The following TRIM5 variants were observed in gnomAD, a reference collection of about 807,000 sequenced individuals.
TRIM5 encodes the protein tripartite motif-containing protein 5.
A neutral mutation model predicts 35.6 loss-of-function variants in TRIM5; 31 were observed. That is an observed-to-expected ratio of 0.87 (90% CI 0.65 to 1.18). The LOEUF (loss-of-function observed/expected upper bound fraction) is 1.18. TRIM5 is among the 50% of genes most tolerant of loss of function. The pLI is 0.00. For missense variants in TRIM5, 609 were observed against 591.6 expected, an observed-to-expected ratio of 1.03 and a Z score of -0.31; for synonymous variants, 243 against 215.6, an observed-to-expected ratio of 1.13 and a Z score of -1.11.
intron 4 of TRIM5, among the ~76,000 whole-genome samples, chr11:5,668,466 T>A (rs1174363093): frequency 6.6e-6 from 1 of 152,140 alleles, no homozygotes; most frequent in Non-Finnish European, 1.5e-5. Flanking sequence ...TTCTTTCTTT[T>A]TTTTTAAGAA....
the TRIM5 span, among the ~76,000 whole-genome samples, chr11:5,652,778 T>C: frequency 2.6e-5 from 4 of 152,192 alleles, no homozygotes; most frequent in Non-Finnish European, 5.9e-5. Flanking sequence ...TTTACCAATA[T>C]TGATTCTTCC....
At chr11:5,609,696 G>A in the TRIM5 span, among the ~76,000 whole-genome samples, 1 of 152,158 alleles carries the variant, frequency 6.6e-6, no homozygotes, top group Non-Finnish European at 1.5e-5. Flanking sequence ...GCTGAGGAGG[G>A]CAGATCACGA....
the TRIM5 span, among the ~76,000 whole-genome samples, chr11:5,648,837 A>G: frequency 3.3e-5 from 5 of 152,232 alleles, no homozygotes; most frequent in Admixed American, 6.5e-5. Context: ...ACGTTAAATA[A>G]TTAGTGTTTC....
the TRIM5 span, among the ~76,000 whole-genome samples, chr11:5,626,299 A>G: frequency 6.6e-6 from 1 of 152,228 alleles, no homozygotes; most frequent in African/African-American, 2.4e-5. Context: ...ATAGAAAGTG[A>G]TCATAGACCA....
chr11:5,669,552 C>A (rs1484715473), intron 4 of TRIM5, among the ~76,000 whole-genome samples: 1 of 152,204 alleles, frequency 6.6e-6, no homozygotes, highest in Non-Finnish European at 1.5e-5. Context: ...TCTACACATA[C>A]AATCAAATAG....
chr11:5,627,031 A>G, the TRIM5 span, among the ~76,000 whole-genome samples: 3 of 152,122 alleles, frequency 2.0e-5, no homozygotes, highest in Non-Finnish European at 2.9e-5. Context: ...CATCTGCTTT[A>G]AGGTGATCAC....
the TRIM5 span, chr11:5,642,476 G>T: frequency 1.9e-6 from 3 of 1,614,008 alleles, no homozygotes; most frequent in Non-Finnish European, 2.5e-6. Context: ...CCATGCTCCA[G>T]ATCTGAGTAG....
chr11:5,626,429 GT>G, the TRIM5 span, among the ~76,000 whole-genome samples: 1 of 152,140 alleles, frequency 6.6e-6, no homozygotes. Flanking sequence ...ACTTTAAATA[GT>G]TTTTATGAAA....
the TRIM5 span, among the ~76,000 whole-genome samples, chr11:5,614,545 G>A: frequency 6.6e-6 from 1 of 152,188 alleles, no homozygotes; most frequent in Non-Finnish European, 1.5e-5. Flanking sequence ...GATTTTGGTG[G>A]AAACTGCCTG....
chr11:5,619,812 C>G, the TRIM5 span: 4 of 144,636 alleles, frequency 2.8e-5, no homozygotes, highest in Non-Finnish European at 4.5e-5. Context: ...AAGCGATCCT[C>G]CTGTCTCAGC....
At position 5,664,424 on chromosome 11, in the gene TRIM5, A is replaced by G; in HGVS notation, c.*385T>C. 9.9e-7 allele frequency: 1 copy of G among 1,010,260 alleles called. No individual in the cohort carries two copies. The highest frequency in any genetic ancestry group is 1.2e-6 in the Non-Finnish European group (1 of 844,386). 62.6% of individuals were successfully genotyped at this position (1,010,260 alleles called of 1,614,324 possible). A position where few individuals can be genotyped will look rare whatever the true frequency, so the allele number is the denominator to read the frequency against. On this transcript the variant is annotated 3_prime_UTR_variant, in exon 8 of 8. Coordinates refer to ENST00000380034, the MANE Select transcript of TRIM5 (RefSeq NM_033034.3). ...CTGACACAGGGCTAAGGACTCATTC[A>G]TTGGTGAACAATTATCACACGATGA... is the stretch of plus-strand genomic sequence containing the variant.
intron 1 of TRIM5, among the ~76,000 whole-genome samples, chr11:5,682,855 G>T (rs1215019663): frequency 6.8e-6 from 1 of 146,462 alleles, no homozygotes; most frequent in East Asian, 1.9e-4. Flanking sequence ...GGCACTTGAG[G>T]AGCTCTTCAG....
chr11:5,596,853 C>A, the TRIM5 span: 10 of 1,613,750 alleles, frequency 6.2e-6, no homozygotes, highest in East Asian at 2.0e-4. Flanking sequence ...CTTTGACCAC[C>A]TGATATTGCT....
At chr11:5,653,460 G>T in the TRIM5 span, among the ~76,000 whole-genome samples, 1 of 150,796 alleles carries the variant, frequency 6.6e-6, no homozygotes, top group Non-Finnish European at 1.5e-5. Context: ...TTCCAAAATG[G>T]CAAACTGTTT....
the TRIM5 span, among the ~76,000 whole-genome samples, chr11:5,601,215 A>C: frequency 2.0e-5 from 3 of 152,198 alleles, no homozygotes; most frequent in African/African-American, 7.2e-5. Flanking sequence ...CACAGCCTTT[A>C]CCACTGACTG....
intron 1 of TRIM5, among the ~76,000 whole-genome samples, chr11:5,681,122 T>C (rs537786868): frequency 6.6e-6 from 1 of 152,250 alleles, no homozygotes; most frequent in South Asian, 2.1e-4. Flanking sequence ...AGAGAAATAC[T>C]CAGTGGACCA....
chr11:5,624,532 T>C, the TRIM5 span, among the ~76,000 whole-genome samples: 10 of 152,132 alleles, frequency 6.6e-5, no homozygotes, highest in Non-Finnish European at 1.3e-4. Flanking sequence ...TGTGCAACCA[T>C]GAAAGTGGTA....
At chr11:5,656,174 C>T in the TRIM5 span, among the ~76,000 whole-genome samples, 2 of 152,054 alleles carry the variant, frequency 1.3e-5, no homozygotes, top group Admixed American at 6.6e-5. Context: ...TAAACAAAAG[C>T]GTTTCTGCAC....
chr11:5,677,088 A>C (rs7119751), intron 4 of TRIM5, among the ~76,000 whole-genome samples: 79,188 of 150,966 alleles, frequency 0.52, 24,033 homozygotes, highest in Non-Finnish European at 0.69. Flanking sequence ...GCAACAAAAG[A>C]CAAAATTGAC....
Sources: gnomAD v4.1 joint callset for allele counts (sites outside exome capture counted in the v4.1 genomes callset) on GRCh38, gnomAD v4.1.1 for gene constraint, MANE v1.5 for transcripts, NCBI Gene and HGNC (gene_info 2026-07-23, HGNC 2026-07-21) for gene names.